TMA7: variants seen among roughly 807,000 people sequenced by gnomAD.
TMA7 encodes the protein translation machinery-associated protein 7.
A neutral mutation model predicts 12.5 loss-of-function variants in TMA7; 5 were observed. The observed-to-expected ratio is 0.40, with a 90% confidence interval of 0.21 to 0.84. The LOEUF (loss-of-function observed/expected upper bound fraction) is 0.84, where lower values mean the gene tolerates loss of function less well. Ranked by LOEUF, TMA7 falls within the 40% of genes least tolerant of loss-of-function variation. TMA7 has a pLI of 0.36. For missense variants in TMA7, 71 were observed against 75.4 expected (o/e 0.94, Z 0.22); for synonymous variants, 36 against 28.1 (o/e 1.28, Z -0.89).
At chr3:48,441,938 A>G (rs1003358798) in intron 3 of TMA7, among the ~76,000 whole-genome samples, 1 of 152,180 alleles carries the variant, frequency 6.6e-6, no homozygotes, top group Non-Finnish European at 1.5e-5. Context: ...ATTCCTTTTC[A>G]GAATGGTGTA....
rs759503545 is a variant in TMA7, at chr3:48,440,523, C to T, written c.73-18C>T. The T allele has an allele frequency of 7.5e-6, 12 of 1,608,484 alleles. No individual in the cohort carries two copies. Among genetic ancestry groups the T allele is most frequent in the African/African-American group, 5.3e-5 (4 of 74,932 alleles). On this transcript the variant is annotated intron_variant, in intron 2 of 3. Coordinates refer to ENST00000438607, the MANE Select transcript of TMA7 (RefSeq NM_015933.6). ...CTGGGAGACAGGCCTGAGTTGAACA[C>T]GCTCTGCCTCTCCCCAGGAAGATAA...
At position 48,440,310 on chromosome 3, in the gene TMA7, A is replaced by C. The variant is rs773665734; in HGVS notation, c.14A>C (p.Glu5Ala). The change falls in exon 1 of 4, where the codon GAA becomes GCA. Residue 5 changes from glutamate to alanine, a missense_variant and splice_region_variant. Transcript: ENST00000438607. ...GCGGCAGGCGCCATGTCCGGCCGCG[A>C]AGGTAAGTGTTCCGGAACCGTGAGG... MSGR[E>A]GGKKKPLKQP... is the part of the protein sequence containing the mutation. The C allele has an allele frequency of 2.5e-6, 4 of 1,608,416 alleles. No homozygotes were observed. In the Admixed American group the frequency reaches 6.7e-5, roughly 27 times the overall value.
Position 48,443,927 on chromosome 3 carries a change from G to A in TMA7, c.*45G>A, listed in dbSNP as rs746756668. The A allele has an allele frequency of 3.4e-5, 48 of 1,422,214 alleles. No homozygotes were observed. The highest frequency in any genetic ancestry group is 2.4e-5 in the Non-Finnish European group (26 of 1,069,482). The allele number at this position is 1,422,214 out of a possible 1,614,324, so 88.1% of individuals were successfully genotyped here. A position where few individuals can be genotyped will look rare whatever the true frequency, so the allele number is the denominator to read the frequency against. On this transcript the variant is annotated 3_prime_UTR_variant, in exon 4 of 4. Coordinates refer to ENST00000438607, the MANE Select transcript of TMA7 (RefSeq NM_015933.6). ...GAGATGGTGACCCTTTATTTCATCTGTATTTAAACCTCTCTATTCCCTGCC... is the reference window on the plus strand; with the variant it reads ...GAGATGGTGACCCTTTATTTCATCTATATTTAAACCTCTCTATTCCCTGCC...
Position 48,442,472 on chromosome 3 carries a change from T to TA in TMA7, c.161-1373dup, listed in dbSNP as rs1196803950. On this transcript the variant is annotated intron_variant, in intron 3 of 3. Coordinates refer to ENST00000438607, the MANE Select transcript of TMA7 (RefSeq NM_015933.6). ...CTACACTTTTTTTTTTTTTTTTTTT[T>TA]AAATAGTCTCACTCTGTCGCCCAGG... Among the ~76,000 whole-genome samples the TA allele has an allele frequency of 4.7e-5, 7 of 149,150 alleles. 1 individual carries two copies. The South Asian group carries it at 1.1e-3, about 23-fold the overall frequency.
At chr3:48,443,813 AT>A in intron 3 of TMA7, 34 bp from the exon 4 acceptor site, 1 of 1,539,480 alleles carries the variant, frequency 6.5e-7, no homozygotes, top group South Asian at 1.3e-5. Context: ...TAAGAACTAT[AT>A]TTTTCCCTAA....
At position 48,440,280 on chromosome 3, in the gene TMA7, A is replaced by G. The variant is rs773871244; in HGVS notation, c.-17A>G. On this transcript the variant is annotated 5_prime_UTR_variant, in exon 1 of 4. Coordinates refer to ENST00000438607, the MANE Select transcript of TMA7 (RefSeq NM_015933.6). ...CCGTTTCCGGTGGCAGGGTCTGGGG[A>G]AGCGGCGGCAGGCGCCATGTCCGGC... 1 of 1,599,426 alleles carries G rather than the reference A, an allele frequency of 6.3e-7. No homozygotes were observed. Among genetic ancestry groups the G allele is most frequent in the South Asian group, 1.1e-5 (1 of 89,352 alleles).
chr3:48,442,472 T>C (rs944858221), intron 3 of TMA7, among the ~76,000 whole-genome samples: 1 of 149,150 alleles, frequency 6.7e-6, no homozygotes, highest in East Asian at 2.0e-4. Context: ...TTTTTTTTTT[T>C]AAATAGTCTC....
intron 3 of TMA7, among the ~76,000 whole-genome samples, chr3:48,442,490 C>T (rs1040944993): frequency 3.1e-4 from 45 of 145,184 alleles, no homozygotes; most frequent in African/African-American, 7.5e-4. Flanking sequence ...CTCACTCTGT[C>T]GCCCAGGCTG....
chr3:48,443,793 G>A (rs2039619954), intron 3 of TMA7, 55 bp from the exon 4 acceptor site: 2 of 1,466,140 alleles, frequency 1.4e-6, no homozygotes, highest in African/African-American at 1.5e-5. Flanking sequence ...GGCCCGTGGG[G>A]CTTCTACCGT....
rs1440991908 is a variant in TMA7, at chr3:48,443,963, T to C, written c.*81T>C. On this transcript the variant is annotated 3_prime_UTR_variant, in exon 4 of 4. Coordinates refer to ENST00000438607, the MANE Select transcript of TMA7 (RefSeq NM_015933.6). ...TCTCTATTCCCTGCCATAACATCTT[T>C]TGCCACGTATAGCTGGAATTAAGTG... The C allele has an allele frequency of 5.9e-6, 6 of 1,011,278 alleles. No individual in the cohort carries two copies. The Admixed American group carries it at 2.2e-4, about 36-fold the overall frequency. 62.6% of individuals were successfully genotyped at this position (1,011,278 alleles called of 1,614,324 possible).
intron 3 of TMA7, 66 bp downstream of exon 3, chr3:48,440,694 C>T (rs561810707): frequency 3.5e-6 from 5 of 1,441,938 alleles, no homozygotes; most frequent in African/African-American, 1.4e-5. Context: ...GATGAGGGCG[C>T]GGGCATGTCT....
At position 48,440,628 on chromosome 3, in the gene TMA7, G is replaced by C. The variant is rs1479411229; in HGVS notation, c.160G>C (p.Ala54Pro). The C allele has an allele frequency of 6.2e-7, 1 of 1,610,516 alleles. No individual in the cohort carries two copies. Among genetic ancestry groups the C allele is most frequent in the Non-Finnish European group, 8.5e-7 (1 of 1,179,318 alleles). ...GAAGGCCGCGGGGAAGGGGCCCTTG[G>C]GTAAGTGGGGGCCGAATGGAGCTCA... The part of the protein sequence containing the change: ...KAKAAGKGPL[A>P]TGGIKKSGKK The change falls in exon 3 of 4, where the codon GCC becomes CCC. Residue 54 changes from alanine (A) to proline (P), a missense_variant and splice_region_variant. Coordinates refer to ENST00000438607, the MANE Select transcript of TMA7 (RefSeq NM_015933.6).
rs148905072 is a variant in TMA7, at chr3:48,440,733, C to G, written c.160+105C>G. The G allele has an allele frequency of 1.3e-3, 1,279 of 964,978 alleles. 9 individuals are homozygous for G. The African/African-American group carries it at 0.019, about 14-fold the overall frequency. 59.8% of individuals were successfully genotyped at this position (964,978 alleles called of 1,614,324 possible). A position where few individuals can be genotyped will look rare whatever the true frequency, so the allele number is the denominator to read the frequency against. On this transcript the variant is annotated intron_variant, in intron 3 of 3. Coordinates refer to ENST00000438607, the MANE Select transcript of TMA7 (RefSeq NM_015933.6). ...TCCTGCCTCCTGAACTGCGAGGTCT[C>G]GTTTTCCGACGTCCGCTGCAGCGAA... is the stretch of plus-strand genomic sequence containing the variant.
At position 48,440,347 on chromosome 3, in the gene TMA7, G is replaced by C. The variant is rs573129302; in HGVS notation, c.16+35G>C. Reference sequence around the variant, plus strand: ...CCGGAACCGTGAGGACTGCGGGGACGGCGGGGTGGGGACCGGGCGGCAGGG... The same window carrying C: ...CCGGAACCGTGAGGACTGCGGGGACCGCGGGGTGGGGACCGGGCGGCAGGG... On this transcript the variant is annotated intron_variant, in intron 1 of 3. Coordinates refer to ENST00000438607, the MANE Select transcript of TMA7 (RefSeq NM_015933.6). The C allele has an allele frequency of 7.9e-4, 1,279 of 1,611,800 alleles. 12 individuals carry two copies. In the South Asian group the frequency reaches 8.1e-3, roughly 10 times the overall value.
intron 3 of TMA7, among the ~76,000 whole-genome samples, chr3:48,442,576 T>A (rs969094530): frequency 6.6e-6 from 1 of 151,500 alleles, no homozygotes; most frequent in African/African-American, 2.4e-5. Context: ...CTCAGCCTCC[T>A]GAGTAGCTGG....
At chr3:48,442,377 GATTTTT>G in intron 3 of TMA7, among the ~76,000 whole-genome samples, 1 of 150,134 alleles carries the variant, frequency 6.7e-6, no homozygotes, top group South Asian at 2.1e-4. Context: ...AGCATCATCT[GATTTTT>G]ATTTTAAGGT....
At position 48,440,778 on chromosome 3, in the gene TMA7, G is replaced by T. The variant is rs373854554; in HGVS notation, c.160+150G>T. On this transcript the variant is annotated intron_variant, in intron 3 of 3. Coordinates refer to ENST00000438607, the MANE Select transcript of TMA7 (RefSeq NM_015933.6). ...AGCGAATGGTCTCTAGCCAGTCTAG[G>T]ATTTGCAGCGGCAGTAAGGGCCGGG... 2.0e-5 allele frequency: 14 copies of T among 714,992 alleles called. No individual in the cohort carries two copies. In the African/African-American group the frequency reaches 2.2e-4, roughly 11 times the overall value. 44.3% of individuals were successfully genotyped at this position (714,992 alleles called of 1,614,324 possible). A position where few individuals can be genotyped will look rare whatever the true frequency, so the allele number is the denominator to read the frequency against.
rs369588293 is a variant in TMA7, at chr3:48,440,372, G to A, written c.17-31G>A. ...GGCGGGGTGGGGACCGGGCGGCAGG[G>A]GCAGGCCGAACGTGCTCGTGTCGCC... On this transcript the variant is annotated intron_variant, in intron 1 of 3. Transcript: ENST00000438607. 4.3e-6 allele frequency: 7 copies of A among 1,611,716 alleles called. No homozygotes were observed. The African/African-American group carries it at 9.3e-5, about 22-fold the overall frequency.
chr3:48,440,501 G>C (rs2107160365), intron 2 of TMA7, 40 bp from the exon 3 acceptor site: 5 of 1,604,298 alleles, frequency 3.1e-6, no homozygotes, highest in Admixed American at 3.4e-5. Context: ...GGGGGCGCTG[G>C]GAGACAGGCC....
Sources: gnomAD v4.1 joint callset for allele counts (sites outside exome capture counted in the v4.1 genomes callset) on GRCh38, gnomAD v4.1.1 for gene constraint, MANE v1.5 for transcripts, NCBI Gene and HGNC (gene_info 2026-07-23, HGNC 2026-07-21) for gene names.